SSH2: variants seen among roughly 807,000 people sequenced by gnomAD.
SSH2 encodes the protein protein phosphatase Slingshot homolog 2.
In SSH2, 37 loss-of-function variants were observed where a neutral mutation model predicts 135.2. That is an observed-to-expected ratio of 0.27 (90% CI 0.21 to 0.36). The LOEUF (loss-of-function observed/expected upper bound fraction) is 0.36, where lower values mean the gene tolerates loss of function less well. Ranked by LOEUF, SSH2 falls within the 10% of genes least tolerant of loss-of-function variation. SSH2 has a pLI of 1.00. For missense variants in SSH2, 1,408 were observed against 1,765.3 expected (o/e 0.80, Z 3.63); for synonymous variants, 628 against 646.2 (o/e 0.97, Z 0.43).
At chr17:29,822,572 G>A (rs1014040546) in intron 2 of SSH2, among the ~76,000 whole-genome samples, 1 of 151,640 alleles carries the variant, frequency 6.6e-6, no homozygotes, top group African/African-American at 2.4e-5. Context: ...ATGTTTCCCA[G>A]GCTGGTCTTG....
intron 2 of SSH2, among the ~76,000 whole-genome samples, chr17:29,815,950 G>A (rs996021445): frequency 6.6e-6 from 1 of 152,122 alleles, no homozygotes; most frequent in Admixed American, 6.5e-5. Context: ...CCAAGTTCAA[G>A]CAAATCTCAC....
intron 5 of SSH2, among the ~76,000 whole-genome samples, chr17:29,694,365 CACTTG>C (rs2038628922): frequency 6.6e-6 from 1 of 152,108 alleles, no homozygotes; most frequent in Non-Finnish European, 1.5e-5. Context: ...CAAATGGTGA[CACTTG>C]ACTTAAGAAG....
chr17:29,660,269 CT>C (rs749186449), intron 11 of SSH2, among the ~76,000 whole-genome samples: 653 of 140,176 alleles, frequency 4.7e-3, no homozygotes, highest in Middle Eastern at 7.6e-3. Context: ...CTAACCTCTC[CT>C]TTTTTTTTTT....
At chr17:29,703,273 G>T (rs1029790705) in intron 3 of SSH2, among the ~76,000 whole-genome samples, 1 of 152,106 alleles carries the variant, frequency 6.6e-6, no homozygotes, top group Non-Finnish European at 1.5e-5. Context: ...TTTTGAAAGG[G>T]AGTCTTGCTC....
intron 6 of SSH2, among the ~76,000 whole-genome samples, chr17:29,678,082 C>A (rs894932170): frequency 2.3e-4 from 34 of 147,182 alleles, no homozygotes; most frequent in African/African-American, 8.3e-4. Context: ...GTGTCCACCT[C>A]GACTCCAAGG....
intron 2 of SSH2, among the ~76,000 whole-genome samples, chr17:29,801,293 T>C (rs190777668): frequency 1.7e-4 from 26 of 152,342 alleles, no homozygotes; most frequent in South Asian, 1.4e-3. Flanking sequence ...TGCTGAGAAG[T>C]AGGCTTGGTG....
chr17:29,817,014 C>T lies in SSH2; in HGVS notation c.145-23077G>A, dbSNP rs368549183. On this transcript the variant is annotated intron_variant, in intron 2 of 15. Transcript: ENST00000540801. ...CTCATGTATAATAAGAAAGCACCTC[C>T]CTCACTAATATAAATCTAAGTAAAA... Among the ~76,000 whole-genome samples, 209 of 152,216 alleles carry T rather than the reference C, an allele frequency of 1.4e-3. 8 individuals carry two copies. In the South Asian group the frequency reaches 0.035, roughly 26 times the overall value.
intron 1 of SSH2, among the ~76,000 whole-genome samples, chr17:29,875,506 C>G (rs1200355195): frequency 6.6e-6 from 1 of 152,172 alleles, no homozygotes; most frequent in Non-Finnish European, 1.5e-5. Context: ...CACACAGCAT[C>G]CAAAGCCATC....
chr17:29,676,601 C>T, intron 8 of SSH2: 1 of 480,454 alleles, frequency 2.1e-6, no homozygotes, highest in Non-Finnish European at 3.8e-6. Flanking sequence ...AGAATAACAC[C>T]TCTGAATTCC....
At chr17:29,746,997 C>T (rs775657667) in intron 3 of SSH2, among the ~76,000 whole-genome samples, 10 of 152,170 alleles carry the variant, frequency 6.6e-5, no homozygotes, top group East Asian at 1.9e-4. Flanking sequence ...ACAATTAGAA[C>T]GCTCAGGACT....
chr17:29,707,502 T>C (rs2039253670), intron 3 of SSH2, among the ~76,000 whole-genome samples: 1 of 151,892 alleles, frequency 6.6e-6, no homozygotes, highest in African/African-American at 2.4e-5. Flanking sequence ...TGGAACAAAT[T>C]GTACAAGGTA....
intron 1 of SSH2, among the ~76,000 whole-genome samples, chr17:29,873,524 A>C (rs1426102132): frequency 6.6e-6 from 1 of 151,930 alleles, no homozygotes; most frequent in Non-Finnish European, 1.5e-5. Flanking sequence ...GCCCTGCTGC[A>C]CTCCAGCTTG....
chr17:29,901,977 A>C (rs1229759019), intron 1 of SSH2, among the ~76,000 whole-genome samples: 1 of 151,832 alleles, frequency 6.6e-6, no homozygotes, highest in Non-Finnish European at 1.5e-5. Flanking sequence ...GTAGAGACAG[A>C]GGCTCCTATC....
chr17:29,652,002 C>T (rs572235830), intron 12 of SSH2, among the ~76,000 whole-genome samples: 48 of 152,166 alleles, frequency 3.2e-4, no homozygotes, highest in African/African-American at 1.1e-3. Flanking sequence ...ATTAGCTGGG[C>T]GTGGTGGCAT....
intron 1 of SSH2, among the ~76,000 whole-genome samples, chr17:29,860,233 A>G (rs910400233): frequency 4.6e-5 from 7 of 152,148 alleles, no homozygotes; most frequent in African/African-American, 1.7e-4. Context: ...ACAGTGTATA[A>G]GCATTCCATT....
chr17:29,753,680 C>T (rs2151236443), intron 3 of SSH2, among the ~76,000 whole-genome samples: 1 of 151,452 alleles, frequency 6.6e-6, no homozygotes, highest in East Asian at 2.0e-4. Context: ...CCTGTAATCC[C>T]AGCTACTCAG....
At chr17:29,695,887 G>A (rs1228796088) in intron 4 of SSH2, among the ~76,000 whole-genome samples, 1 of 152,096 alleles carries the variant, frequency 6.6e-6, no homozygotes, top group Non-Finnish European at 1.5e-5. Context: ...AGGTAGCAAT[G>A]AGGGCACTTT....
intron 2 of SSH2, among the ~76,000 whole-genome samples, chr17:29,831,161 G>C (rs2042837753): frequency 6.6e-6 from 1 of 152,270 alleles, no homozygotes; most frequent in African/African-American, 2.4e-5. Context: ...AGACCCGGGT[G>C]AGGGTCTGCT....
Position 29,630,680 on chromosome 17 carries a change from C to G in SSH2, c.*161G>C. On this transcript the variant is annotated 3_prime_UTR_variant, in exon 16 of 16. Transcript: ENST00000540801. ...ATCTCTCTTTCCCCTTACATATACA[C>G]ACACATACACACTGAAAAACACCCA... is the stretch of plus-strand genomic sequence containing the variant. 1.7e-6 allele frequency: 1 copy of G among 594,690 alleles called. No homozygotes were observed. Among genetic ancestry groups the G allele is most frequent in the Non-Finnish European group, 2.8e-6 (1 of 351,644 alleles). 36.8% of individuals were successfully genotyped at this position (594,690 alleles called of 1,614,324 possible).
Sources: gnomAD v4.1 joint callset for allele counts (sites outside exome capture counted in the v4.1 genomes callset) on GRCh38, gnomAD v4.1.1 for gene constraint, MANE v1.5 for transcripts, NCBI Gene and HGNC (gene_info 2026-07-23, HGNC 2026-07-21) for gene names.